KAZN: variants seen among roughly 807,000 people sequenced by gnomAD.
KAZN encodes kazrin, periplakin interacting protein, also known as kazrin.
KAZN carries 40 observed loss-of-function variants against 87.4 expected under a neutral mutation model. That is an observed-to-expected ratio of 0.46 (90% confidence interval 0.36 to 0.60). The LOEUF (loss-of-function observed/expected upper bound fraction) is 0.60. Ranked by LOEUF, KAZN falls within the 20% of genes least tolerant of loss-of-function variation. The pLI, the probability that KAZN is intolerant of heterozygous loss-of-function variation, is 0.00. For missense variants in KAZN, 898 were observed against 1,073.9 expected (o/e 0.84, Z 2.29); for synonymous variants, 466 against 458.3 (o/e 1.02, Z -0.22).
At position 14,642,162 on chromosome 1, in the gene KAZN, G is replaced by A. The variant is rs550811133; in HGVS notation, c.226+42939G>A. Among the ~76,000 whole-genome samples, 26 of 152,312 alleles carry A rather than the reference G, an allele frequency of 1.7e-4. No homozygotes were observed. In the East Asian group the frequency reaches 4.6e-3, roughly 27 times the overall value. Reference sequence around the variant, plus strand: ...AGCCTGTAATCCCAGCACTTTGGGAGGCCAAGGCGGGCAGATGACAAGCTC... The same window carrying A: ...AGCCTGTAATCCCAGCACTTTGGGAAGCCAAGGCGGGCAGATGACAAGCTC... On this transcript the variant is annotated intron_variant, in intron 1 of 14. Transcript: ENST00000376030.
At chr1:14,998,070 T>G (rs529646825) in intron 2 of KAZN, among the ~76,000 whole-genome samples, 7 of 151,228 alleles carry the variant, frequency 4.6e-5, no homozygotes, top group Admixed American at 1.3e-4. Flanking sequence ...TGTGGGTCTG[T>G]GCCCAGGAGC....
chr1:14,207,276 CT>C (rs544800861), intron 2 of KAZN, among the ~76,000 whole-genome samples: 3 of 151,992 alleles, frequency 2.0e-5, no homozygotes, highest in Admixed American at 6.6e-5. Flanking sequence ...TTTTTACATC[CT>C]TTTTTACCAT....
At chr1:15,029,727 G>A (rs6679504) in intron 2 of KAZN, among the ~76,000 whole-genome samples, 79,308 of 152,030 alleles carry the variant, frequency 0.52, 21,001 homozygotes, top group African/African-American at 0.61. Context: ...GGAGATGTGG[G>A]TAATGTAGGA....
At chr1:15,084,159 T>C (rs2100643345) in intron 8 of KAZN, among the ~76,000 whole-genome samples, 1 of 152,336 alleles carries the variant, frequency 6.6e-6, no homozygotes, top group Admixed American at 6.5e-5. Context: ...GGAAATGGTA[T>C]TTCCCATAAC....
chr1:13,952,851 C>T (rs2101001601), intron 1 of KAZN, among the ~76,000 whole-genome samples: 1 of 152,198 alleles, frequency 6.6e-6, no homozygotes, highest in East Asian at 1.9e-4. Flanking sequence ...CTATCCCTCT[C>T]TGGATCTCCA....
chr1:15,008,276 T>C (rs1669235308), intron 2 of KAZN, among the ~76,000 whole-genome samples: 1 of 151,000 alleles, frequency 6.6e-6, no homozygotes, highest in Non-Finnish European at 1.5e-5. Flanking sequence ...GAGGAAAGAG[T>C]TTTCCCAAGT....
chr1:15,013,383 A>G (rs921022432), intron 2 of KAZN, among the ~76,000 whole-genome samples: 3 of 152,138 alleles, frequency 2.0e-5, no homozygotes, highest in African/African-American at 7.2e-5. Flanking sequence ...ATGTCAGATG[A>G]AAAAAGAGCA....
chr1:14,943,773 G>A (rs1572887717), intron 1 of KAZN, among the ~76,000 whole-genome samples: 2 of 152,334 alleles, frequency 1.3e-5, no homozygotes, highest in East Asian at 3.9e-4. Context: ...CTCAGTGAGT[G>A]TCAAAACCAA....
chr1:14,720,045 GACACAGCTAATGCTCAGGGGAT>G (rs1466396175), intron 1 of KAZN, among the ~76,000 whole-genome samples: 1 of 151,314 alleles, frequency 6.6e-6, no homozygotes, highest in African/African-American at 2.4e-5. Context: ...CTGTGTAGAT[GACACAGCTAATGCTCAGGGGAT>G]TTAAGGGACA....
In KAZN at chr1:15,099,892, T is replaced by G. The variant is rs1640977909; in HGVS notation, c.1548-1651T>G. ...GGAGAGAAGTGGACAGAGGATGCAC[T>G]GACCAGAGTGACCGACAGACAAGGA... On this transcript the variant is annotated intron_variant, in intron 10 of 14. Coordinates refer to ENST00000376030, the MANE Select transcript of KAZN (RefSeq NM_201628.3). The surrounding 1 kb of genome is among the most constrained non-coding windows in gnomAD (Gnocchi z 5.4). Among the ~76,000 whole-genome samples the G allele has an allele frequency of 3.3e-5, 5 of 152,088 alleles. No homozygotes were observed. Among genetic ancestry groups the G allele is most frequent in the Admixed American group, 3.3e-4 (5 of 15,276 alleles).
chr1:14,662,426 G>A (rs766969346), intron 1 of KAZN, among the ~76,000 whole-genome samples: 38 of 152,166 alleles, frequency 2.5e-4, no homozygotes, highest in South Asian at 8.3e-4. Context: ...TGTTTGGGTC[G>A]GCTCCATCCC....
chr1:14,493,140 C>G (rs144112201), intron 2 of KAZN, among the ~76,000 whole-genome samples: 1 of 150,830 alleles, frequency 6.6e-6, no homozygotes, highest in Non-Finnish European at 1.5e-5. Flanking sequence ...CCTGATCCTT[C>G]GGCCCTTTGC....
At chr1:14,825,750 T>G (rs998873554) in intron 1 of KAZN, among the ~76,000 whole-genome samples, 14 of 152,316 alleles carry the variant, frequency 9.2e-5, no homozygotes, top group Admixed American at 7.2e-4. Flanking sequence ...GCCCCACCTG[T>G]GTGTTCTTCA....
chr1:14,676,230 A>C (rs1313487542), intron 1 of KAZN, among the ~76,000 whole-genome samples: 5 of 152,200 alleles, frequency 3.3e-5, no homozygotes, highest in Admixed American at 2.0e-4. Flanking sequence ...ATGATCTTTA[A>C]TTACACTCCT....
intron 1 of KAZN, among the ~76,000 whole-genome samples, chr1:14,609,702 C>T (rs1334866781): frequency 6.6e-6 from 1 of 152,240 alleles, no homozygotes. Context: ...TCTACCTAGA[C>T]ATCTCTTTGC....
rs1469335671 is a variant in KAZN, at chr1:14,021,219, A to T, written c.91+127463A>T. Among the ~76,000 whole-genome samples the T allele has an allele frequency of 2.6e-5, 4 of 152,202 alleles. No homozygotes were observed. The East Asian group carries it at 7.7e-4, about 29-fold the overall frequency. On this transcript the variant is annotated intron_variant, in intron 1 of 16. Transcript: ENST00000636203. ...CCACTCCCCAATTATAACAACCCCA[A>T]ATTTCTTCAGACATTGCCAAATGCC... is the stretch of plus-strand genomic sequence containing the variant.
intron 1 of KAZN, among the ~76,000 whole-genome samples, chr1:14,911,902 A>G (rs1381779749): frequency 6.6e-6 from 1 of 152,186 alleles, no homozygotes; most frequent in Non-Finnish European, 1.5e-5. Flanking sequence ...CCTGTAATCC[A>G]GCACTTTGGG....
intron 1 of KAZN, among the ~76,000 whole-genome samples, chr1:14,677,973 CT>C (rs2148752779): frequency 6.6e-6 from 1 of 152,316 alleles, no homozygotes; most frequent in South Asian, 2.1e-4. Context: ...CCCTGAGCTG[CT>C]CCTCATGCCC....
intron 2 of KAZN, among the ~76,000 whole-genome samples, chr1:14,582,523 G>A (rs1193169621): frequency 1.3e-5 from 2 of 152,086 alleles, no homozygotes; most frequent in African/African-American, 4.8e-5. Flanking sequence ...TGTTGCAAAG[G>A]TGGTTCTCAG....
Sources: allele counts gnomAD v4.1 joint callset (sites outside exome capture counted in the v4.1 genomes callset), GRCh38; gene constraint gnomAD v4.1.1; non-coding constraint Gnocchi (gnomAD v3.1); transcripts MANE v1.5; gene names NCBI Gene and HGNC (gene_info 2026-07-23, HGNC 2026-07-21).